CCNY: variants seen among roughly 807,000 people sequenced by gnomAD.
CCNY encodes the protein cyclin-Y.
In CCNY, 19 loss-of-function variants were observed where a neutral mutation model predicts 42.8. That is an observed-to-expected ratio of 0.44 (90% CI 0.31 to 0.65). The LOEUF is 0.65. Ranked by LOEUF, CCNY falls within the 30% of genes least tolerant of loss-of-function variation. The pLI, the probability that CCNY is intolerant of heterozygous loss-of-function variation, is 0.07. For synonymous variants in CCNY, 165 were observed against 162.7 expected, an observed-to-expected ratio of 1.01 and a Z score of -0.11; for missense variants, 370 against 437.3, an observed-to-expected ratio of 0.85 and a Z score of 1.37.
intron 1 of CCNY, among the ~76,000 whole-genome samples, chr10:35,363,180 C>G (rs537264831): frequency 7.8e-5 from 11 of 141,232 alleles, no homozygotes; most frequent in African/African-American, 2.7e-4. Context: ...CTCACTTCCC[C>G]GACGGGGCGG....
chr10:35,257,770 C>T (rs923346133), intron 3 of CCNY, among the ~76,000 whole-genome samples: 1 of 152,134 alleles, frequency 6.6e-6, no homozygotes, highest in African/African-American at 2.4e-5. Flanking sequence ...TGTTTATATT[C>T]ATATCTTTCA....
intron 1 of CCNY, among the ~76,000 whole-genome samples, chr10:35,446,396 G>A (rs1838791014): frequency 6.6e-6 from 1 of 151,992 alleles, no homozygotes; most frequent in South Asian, 2.1e-4. Flanking sequence ...AAAATGTGGA[G>A]TTTTTTTTCC....
rs762719264 is a variant in CCNY, at chr10:35,281,454, C to T, written c.-9+30828C>T. Among the ~76,000 whole-genome samples, 220 of 152,112 alleles carry T rather than the reference C, an allele frequency of 1.4e-3. 2 individuals carry two copies. Among genetic ancestry groups the T allele is most frequent in the Admixed American group, 7.3e-3 (112 of 15,270 alleles). ...ACCTGAGATTACAGGCACCTGCCAC[C>T]GTGCCCAGCTAATTTTTTTTTGTAT... On this transcript the variant is annotated intron_variant, in intron 3 of 11. Transcript: ENST00000374706.
intron 1 of CCNY, chr10:35,247,177 A>AG (rs2095708608): frequency 6.6e-6 from 1 of 152,618 alleles, no homozygotes; most frequent in South Asian, 2.1e-4. Flanking sequence ...CTTGGGGAGG[A>AG]GGGGGACTGA....
intron 1 of CCNY, among the ~76,000 whole-genome samples, chr10:35,459,078 A>C (rs1839100788): frequency 6.6e-6 from 1 of 152,248 alleles, no homozygotes; most frequent in African/African-American, 2.4e-5. Context: ...AGCCCACGTC[A>C]TATTTTGTAA....
At chr10:35,529,918 T>A in intron 5 of CCNY, 55 bp from the exon 6 acceptor site, 1 of 1,484,296 alleles carries the variant, frequency 6.7e-7, no homozygotes, top group East Asian at 2.3e-5. Flanking sequence ...TTTGTTTTAT[T>A]TGAATGACAT....
At chr10:35,259,491 G>C (rs941545795) in intron 3 of CCNY, among the ~76,000 whole-genome samples, 5 of 121,094 alleles carry the variant, frequency 4.1e-5, no homozygotes, top group African/African-American at 1.7e-4. Context: ...ACCCAGTCCT[G>C]GTTGTTTTTT....
At chr10:35,266,206 T>C (rs918044725) in intron 3 of CCNY, among the ~76,000 whole-genome samples, 1 of 151,074 alleles carries the variant, frequency 6.6e-6, no homozygotes, top group Non-Finnish European at 1.5e-5. Flanking sequence ...GCCTCCCGAG[T>C]AGCTGGGATT....
chr10:35,431,751 T>C (rs1189032014), intron 1 of CCNY, among the ~76,000 whole-genome samples: 1 of 152,076 alleles, frequency 6.6e-6, no homozygotes, highest in Non-Finnish European at 1.5e-5. Flanking sequence ...AGGCTCAGGC[T>C]TGGAGCCTCA....
intron 1 of CCNY, among the ~76,000 whole-genome samples, chr10:35,477,405 T>G (rs879365393): frequency 2.0e-5 from 3 of 149,990 alleles, no homozygotes; most frequent in African/African-American, 4.9e-5. Flanking sequence ...ACTGGCAAAC[T>G]GAATCCAGCA....
At chr10:35,381,389 G>T (rs551848199) in intron 1 of CCNY, among the ~76,000 whole-genome samples, 2 of 151,750 alleles carry the variant, frequency 1.3e-5, no homozygotes, top group Non-Finnish European at 2.9e-5. Flanking sequence ...GTGAAACCCC[G>T]TCTCTACTAA....
intron 8 of CCNY, among the ~76,000 whole-genome samples, chr10:35,553,764 C>G (rs1419589883): frequency 6.6e-6 from 1 of 152,076 alleles, no homozygotes; most frequent in African/African-American, 2.4e-5. Flanking sequence ...GTTGTGGGGA[C>G]TGAGAGCTGT....
At chr10:35,417,275 T>A (rs1838045115) in intron 1 of CCNY, among the ~76,000 whole-genome samples, 1 of 152,170 alleles carries the variant, frequency 6.6e-6, no homozygotes, top group Admixed American at 6.5e-5. Context: ...CATTCCACAG[T>A]GCCTTTCAGG....
chr10:35,303,303 C>T (rs1835559914), intron 3 of CCNY, among the ~76,000 whole-genome samples: 1 of 151,826 alleles, frequency 6.6e-6, no homozygotes, highest in African/African-American at 2.4e-5. Flanking sequence ...GCCTCAGCCT[C>T]CCGAGTAGCT....
chr10:35,404,216 C>T (rs549887528), intron 1 of CCNY, among the ~76,000 whole-genome samples: 1 of 152,316 alleles, frequency 6.6e-6, no homozygotes, highest in South Asian at 2.1e-4. Flanking sequence ...GCAGCAGCCA[C>T]TGCACACAGA....
chr10:35,460,261 T>C (rs1839128489), intron 1 of CCNY, among the ~76,000 whole-genome samples: 1 of 152,234 alleles, frequency 6.6e-6, no homozygotes, highest in Non-Finnish European at 1.5e-5. Context: ...TATTTAGTTA[T>C]TGAGAATCAA....
chr10:35,307,696 GTGTATATA>G (rs1164875121), intron 3 of CCNY, among the ~76,000 whole-genome samples: 1 of 146,418 alleles, frequency 6.8e-6, no homozygotes, highest in Non-Finnish European at 1.5e-5. Context: ...ATATCTACAC[GTGTATATA>G]TGTATATATA....
intron 1 of CCNY, among the ~76,000 whole-genome samples, chr10:35,373,876 G>A (rs1472098951): frequency 1.8e-4 from 28 of 152,240 alleles, no homozygotes; most frequent in Admixed American, 1.7e-3. Flanking sequence ...CTCCATGAAG[G>A]GGTTGTTTCT....
chr10:35,365,575 T>C (rs1438385141), intron 1 of CCNY, among the ~76,000 whole-genome samples: 2 of 152,216 alleles, frequency 1.3e-5, no homozygotes, highest in Non-Finnish European at 2.9e-5. Context: ...ATGTTTTTGG[T>C]TAACTTTGAT....
Sources: gnomAD v4.1 joint callset for allele counts (sites outside exome capture counted in the v4.1 genomes callset) on GRCh38, gnomAD v4.1.1 for gene constraint, MANE v1.5 for transcripts, NCBI Gene and HGNC (gene_info 2026-07-23, HGNC 2026-07-21) for gene names.